Variants in LRMDA observed in about 807,000 individuals in gnomAD.
LRMDA encodes leucine rich melanocyte differentiation associated.
In LRMDA, 18 loss-of-function variants were observed where a neutral mutation model predicts 29.8. The ratio of observed to expected loss-of-function variants is 0.60; its 90% CI spans 0.42 to 0.90. The LOEUF is 0.90. Ranked by LOEUF, LRMDA falls within the 40% of genes least tolerant of loss-of-function variation. LRMDA has a pLI of 0.00. For missense variants in LRMDA, 273 were observed against 273.9 expected, an observed-to-expected ratio of 1.00 and a Z score of 0.02; for synonymous variants, 125 against 109.4, an observed-to-expected ratio of 1.14 and a Z score of -0.89.
chr10:76,516,620 G>T (rs1466709352), intron 6 of LRMDA, among the ~76,000 whole-genome samples: 2 of 151,742 alleles, frequency 1.3e-5, no homozygotes, highest in African/African-American at 2.4e-5. Flanking sequence ...GTGATAGTTT[G>T]CTGAGAATGA....
rs1188444584 is a variant in LRMDA, at chr10:75,929,531, C to G, written c.132-106477C>G. Among the ~76,000 whole-genome samples, 56 of 152,088 alleles carry G rather than the reference C, an allele frequency of 3.7e-4. 2 individuals carry two copies. The highest frequency in any genetic ancestry group is 3.7e-3 in the Admixed American group (56 of 15,274). On this transcript the variant is annotated intron_variant, in intron 2 of 6. Coordinates refer to ENST00000611255, the MANE Select transcript of LRMDA (RefSeq NM_001305581.2). ...TAAGTAACCTCCCCAAGTTACATGG[C>G]TAACAGTTTGCAGAGTAGAGGGATC... is the stretch of plus-strand genomic sequence containing the variant.
chr10:75,629,691 A>G (rs1165918837), intron 2 of LRMDA, among the ~76,000 whole-genome samples: 1 of 152,212 alleles, frequency 6.6e-6, no homozygotes, highest in African/African-American at 2.4e-5. Flanking sequence ...AATGGCATTT[A>G]TATCTGTTCA....
intron 6 of LRMDA, among the ~76,000 whole-genome samples, chr10:76,514,011 G>A (rs961526434): frequency 1.3e-5 from 2 of 152,130 alleles, no homozygotes; most frequent in Non-Finnish European, 2.9e-5. Flanking sequence ...GGTAAGAATT[G>A]TTTCCCTGAA....
chr10:75,738,280 C>T (rs1451108510), intron 2 of LRMDA, among the ~76,000 whole-genome samples: 1 of 152,058 alleles, frequency 6.6e-6, no homozygotes, highest in East Asian at 1.9e-4. Flanking sequence ...GGCCCCAAAT[C>T]AGCTGCAGCT....
At chr10:75,922,298 CA>C (rs1210745859) in intron 2 of LRMDA, among the ~76,000 whole-genome samples, 1 of 152,196 alleles carries the variant, frequency 6.6e-6, no homozygotes, top group Non-Finnish European at 1.5e-5. Context: ...TCATTATTCC[CA>C]GGCATGACAG....
intron 5 of LRMDA, among the ~76,000 whole-genome samples, chr10:76,084,194 C>CTATTTATTTATTTATTTATTTATTTATT (rs113420141): frequency 2.3e-4 from 35 of 150,592 alleles, no homozygotes; most frequent in African/African-American, 8.6e-4. Context: ...TTTCTTTTCT[C>CTATTTATTTATTTATTTATTTATTTATT]TATTTATTTA....
chr10:75,502,520 TA>T (rs1226739905), intron 2 of LRMDA, among the ~76,000 whole-genome samples: 1 of 152,160 alleles, frequency 6.6e-6, no homozygotes, highest in African/African-American at 2.4e-5. Flanking sequence ...CAGCCCTAGC[TA>T]AATCACCAGT....
chr10:75,685,515 A>C (rs1842070736), intron 2 of LRMDA, among the ~76,000 whole-genome samples: 1 of 152,244 alleles, frequency 6.6e-6, no homozygotes, highest in Non-Finnish European at 1.5e-5. Context: ...GGCCCCACCT[A>C]TCTGCCTATT....
intron 6 of LRMDA, among the ~76,000 whole-genome samples, chr10:76,432,892 A>G (rs1348261583): frequency 2.6e-5 from 4 of 152,190 alleles, no homozygotes; most frequent in Non-Finnish European, 4.4e-5. Context: ...TTGAATGACT[A>G]TAGCACTAGC....
intron 5 of LRMDA, among the ~76,000 whole-genome samples, chr10:76,102,829 A>T (rs942378384): frequency 5.3e-5 from 8 of 151,968 alleles, no homozygotes; most frequent in South Asian, 2.1e-4. Context: ...TTTTTTAAAA[A>T]TTTTTTGTAG....
intron 2 of LRMDA, among the ~76,000 whole-genome samples, chr10:75,866,322 G>A (rs1845018482): frequency 6.6e-6 from 1 of 152,198 alleles, no homozygotes; most frequent in African/African-American, 2.4e-5. Flanking sequence ...TGTGGGAGAT[G>A]GGCAACACTC....
chr10:76,410,259 G>C lies in LRMDA; in HGVS notation c.601+85774G>C, dbSNP rs540597158. 6.0e-5 allele frequency among the ~76,000 whole-genome samples: 9 copies of C among 150,766 alleles called. No homozygotes were observed. In the South Asian group the frequency reaches 1.9e-3, roughly 32 times the overall value. On this transcript the variant is annotated intron_variant, in intron 6 of 6. Coordinates refer to ENST00000611255, the MANE Select transcript of LRMDA (RefSeq NM_001305581.2). Reference sequence around the variant, plus strand: ...ACTTTACATGCAAATTTAAAGAGTAGGGATTATGTCATAGAGGCTTGGAAA... The same window carrying C: ...ACTTTACATGCAAATTTAAAGAGTACGGATTATGTCATAGAGGCTTGGAAA...
chr10:76,017,971 A>T (rs1311544546), intron 2 of LRMDA, among the ~76,000 whole-genome samples: 2 of 152,208 alleles, frequency 1.3e-5, no homozygotes, highest in Non-Finnish European at 2.9e-5. Context: ...CATGAAATTG[A>T]GAAAGTTCTA....
intron 2 of LRMDA, among the ~76,000 whole-genome samples, chr10:75,506,566 C>A (rs1295453967): frequency 6.6e-6 from 1 of 152,204 alleles, no homozygotes; most frequent in Non-Finnish European, 1.5e-5. Context: ...GAGAGCAAAC[C>A]ATGAAACTCT....
intron 5 of LRMDA, among the ~76,000 whole-genome samples, chr10:76,271,206 G>A (rs933403800): frequency 3.9e-4 from 60 of 152,248 alleles, no homozygotes; most frequent in African/African-American, 1.4e-3. Context: ...TCAGGAGTTC[G>A]AGGCCAGCCT....
At chr10:75,966,014 A>G (rs1244873027) in intron 2 of LRMDA, among the ~76,000 whole-genome samples, 1 of 152,196 alleles carries the variant, frequency 6.6e-6, no homozygotes, top group Non-Finnish European at 1.5e-5. Flanking sequence ...ATCTTCTGCA[A>G]TTCTAATCTA....
intron 5 of LRMDA, among the ~76,000 whole-genome samples, chr10:76,324,191 A>G (rs1384992063): frequency 6.6e-6 from 1 of 152,048 alleles, no homozygotes; most frequent in Non-Finnish European, 1.5e-5. Flanking sequence ...GAGCTATTCC[A>G]TATGTACTGA....
intron 2 of LRMDA, among the ~76,000 whole-genome samples, chr10:75,953,184 C>T (rs912918633): frequency 3.3e-5 from 5 of 151,750 alleles, no homozygotes; most frequent in Non-Finnish European, 7.4e-5. Context: ...GCCATTCTCC[C>T]ACCTCAGCCT....
At chr10:75,971,113 G>C (rs1226430942) in intron 2 of LRMDA, among the ~76,000 whole-genome samples, 1 of 152,080 alleles carries the variant, frequency 6.6e-6, no homozygotes, top group Non-Finnish European at 1.5e-5. Flanking sequence ...ATAGTGAGTG[G>C]TTTCTCAGCA....
Sources: gnomAD v4.1 joint callset for allele counts (sites outside exome capture counted in the v4.1 genomes callset) on GRCh38, gnomAD v4.1.1 for gene constraint, MANE v1.5 for transcripts, NCBI Gene and HGNC (gene_info 2026-07-23, HGNC 2026-07-21) for gene names.